Variants in CAMTA1 observed in about 807,000 individuals in gnomAD.
CAMTA1 encodes the protein calmodulin binding transcription activator 1.
A neutral mutation model predicts 170.9 loss-of-function variants in CAMTA1; 27 were observed. The observed-to-expected ratio is 0.16, with a 90% CI of 0.12 to 0.22. The LOEUF (loss-of-function observed/expected upper bound fraction) is 0.22. Among genes scored for constraint, CAMTA1 ranks in the 10% least tolerant of loss-of-function variants. The pLI is 1.00. For synonymous variants in CAMTA1, 833 were observed against 891.5 expected (o/e 0.93, Z 1.17); for missense variants, 1,619 against 2,217.2 (o/e 0.73, Z 5.42).
At chr1:7,549,778 A>G (rs1477394990) in intron 6 of CAMTA1, among the ~76,000 whole-genome samples, 2 of 150,770 alleles carry the variant, frequency 1.3e-5, no homozygotes, top group African/African-American at 4.9e-5. Flanking sequence ...TGTTGTAGGA[A>G]GAAGAAAGAG....
chr1:7,196,916 G>A (rs1250749297), intron 4 of CAMTA1, among the ~76,000 whole-genome samples: 1 of 152,138 alleles, frequency 6.6e-6, no homozygotes. Context: ...TAATTGCTTG[G>A]TTCCTTGCAA....
Position 7,751,197 on chromosome 1 carries a change from A to G in CAMTA1, c.4690-2A>G. ...TGTCGCTTGTTCTTGTTTCCCCTGC[A>G]GTACGCACTTTATAAAAAGATGACA... On this transcript the variant is annotated splice_acceptor_variant, in intron 19 of 22. Coordinates refer to ENST00000303635, the MANE Select transcript of CAMTA1 (RefSeq NM_015215.4). LOFTEE classifies it high-confidence loss of function. 6.3e-7 allele frequency: 1 copy of G among 1,579,232 alleles called. No homozygotes were observed. Among genetic ancestry groups the G allele is most frequent in the Non-Finnish European group, 8.6e-7 (1 of 1,165,128 alleles).
chr1:6,840,740 G>C (rs1236133716), intron 3 of CAMTA1, among the ~76,000 whole-genome samples: 1 of 152,198 alleles, frequency 6.6e-6, no homozygotes, highest in Non-Finnish European at 1.5e-5. Flanking sequence ...GATAGATGGA[G>C]AAAGGGAGAC....
chr1:6,967,036 G>GT (rs1383196852), intron 3 of CAMTA1, among the ~76,000 whole-genome samples: 1 of 151,804 alleles, frequency 6.6e-6, no homozygotes, highest in Non-Finnish European at 1.5e-5. Flanking sequence ...GAGGTCAGGA[G>GT]TTTGAGACCA....
At chr1:7,157,344 C>CA (rs57248086) in intron 4 of CAMTA1, among the ~76,000 whole-genome samples, 36,171 of 99,242 alleles carry the variant, frequency 0.36, 7,327 homozygotes, top group Middle Eastern at 0.47. Flanking sequence ...GACTCTGTCT[C>CA]AAAAAAAAAA....
intron 4 of CAMTA1, among the ~76,000 whole-genome samples, chr1:7,205,663 TTGTGTCTTTGAATATCAGA>T (rs1164011165): frequency 1.3e-5 from 2 of 152,368 alleles, no homozygotes; most frequent in East Asian, 3.9e-4. Context: ...TTCAACCTTT[TTGTGTCTTTGAATATCAGA>T]TGTGTCTTCT....
chr1:7,303,158 G>T (rs1048901796), intron 5 of CAMTA1, among the ~76,000 whole-genome samples: 1 of 152,158 alleles, frequency 6.6e-6, no homozygotes, highest in Admixed American at 6.5e-5. Flanking sequence ...ACATTAACTA[G>T]TATAAGCACC....
chr1:7,038,777 C>T (rs186851215), intron 3 of CAMTA1, among the ~76,000 whole-genome samples: 143 of 152,300 alleles, frequency 9.4e-4, no homozygotes, highest in Non-Finnish European at 1.8e-3. Flanking sequence ...TGGTGGCTCA[C>T]GCCTGTAATC....
intron 3 of CAMTA1, among the ~76,000 whole-genome samples, chr1:6,956,652 A>AATG (rs962168821): frequency 1.9e-4 from 29 of 152,320 alleles, no homozygotes; most frequent in African/African-American, 6.5e-4. Flanking sequence ...AGAGATAACC[A>AATG]GGCTTAATGG....
At chr1:6,985,554 A>T (rs1486022355) in intron 3 of CAMTA1, among the ~76,000 whole-genome samples, 1 of 152,250 alleles carries the variant, frequency 6.6e-6, no homozygotes, top group Admixed American at 6.5e-5. Context: ...CGGGGACCCG[A>T]TATACACTTA....
chr1:7,379,060 G>C (rs186349070), intron 5 of CAMTA1, among the ~76,000 whole-genome samples: 14 of 152,298 alleles, frequency 9.2e-5, no homozygotes, highest in African/African-American at 3.4e-4. Context: ...GCACCTGATG[G>C]TGAAATGCCA....
intron 4 of CAMTA1, among the ~76,000 whole-genome samples, chr1:7,101,137 T>G (rs1418953927): frequency 6.6e-6 from 1 of 152,210 alleles, no homozygotes; most frequent in African/African-American, 2.4e-5. Flanking sequence ...TTGTTTTGTT[T>G]CTGGCGCCCC....
At position 7,225,274 on chromosome 1, in the gene CAMTA1, C is replaced by T. The variant is rs543815957; in HGVS notation, c.303-24217C>T. On this transcript the variant is annotated intron_variant, in intron 4 of 22. Coordinates refer to ENST00000303635, the MANE Select transcript of CAMTA1 (RefSeq NM_015215.4). ...TAATTTTTATATTTTTTAGTAGAGA[C>T]GGAATTTCACTGTGTTAGCCAGGAT... 5.9e-5 allele frequency among the ~76,000 whole-genome samples: 9 copies of T among 152,194 alleles called. 2 individuals carry two copies. The South Asian group carries it at 8.3e-4, about 14-fold the overall frequency.
chr1:7,544,371 C>T (rs1475597944), intron 6 of CAMTA1, among the ~76,000 whole-genome samples: 1 of 152,190 alleles, frequency 6.6e-6, no homozygotes, highest in Non-Finnish European at 1.5e-5. Context: ...TATGAGAGTA[C>T]AATTCAAGAT....
At chr1:6,867,956 T>C (rs1300372831) in intron 3 of CAMTA1, among the ~76,000 whole-genome samples, 1 of 152,040 alleles carries the variant, frequency 6.6e-6, no homozygotes, top group African/African-American at 2.4e-5. Context: ...TGCAGGCATG[T>C]ACCACCACAC....
intron 11 of CAMTA1, among the ~76,000 whole-genome samples, chr1:7,692,016 G>T (rs1465829479): frequency 6.6e-6 from 1 of 151,882 alleles, no homozygotes; most frequent in Non-Finnish European, 1.5e-5. Context: ...AGGTACAGAT[G>T]GCCTAGTGGT....
At chr1:7,055,765 T>G (rs1707228975) in intron 3 of CAMTA1, among the ~76,000 whole-genome samples, 1 of 152,190 alleles carries the variant, frequency 6.6e-6, no homozygotes, top group East Asian at 1.9e-4. Flanking sequence ...TGCTCACTAT[T>G]TTCTATCCCG....
At chr1:7,525,589 C>T (rs910905231) in intron 6 of CAMTA1, among the ~76,000 whole-genome samples, 3 of 152,110 alleles carry the variant, frequency 2.0e-5, no homozygotes, top group African/African-American at 4.8e-5. Flanking sequence ...CTCTGAGCAT[C>T]ATCAGGCCAG....
intron 3 of CAMTA1, among the ~76,000 whole-genome samples, chr1:6,890,761 G>A (rs952722764): frequency 1.3e-5 from 2 of 152,130 alleles, no homozygotes; most frequent in East Asian, 1.9e-4. Context: ...CTGTGGAGTC[G>A]AGGTCTTGCT....
Sources: gnomAD v4.1 joint callset for allele counts (sites outside exome capture counted in the v4.1 genomes callset) on GRCh38, gnomAD v4.1.1 for gene constraint, MANE v1.5 for transcripts, NCBI Gene and HGNC (gene_info 2026-07-23, HGNC 2026-07-21) for gene names.